Variants in KCNH1 observed in about 807,000 individuals in gnomAD.
The protein encoded by KCNH1 is potassium voltage-gated channel subfamily H member 1.
In KCNH1, 27 loss-of-function variants were observed where a neutral mutation model predicts 69.2. That is an observed-to-expected ratio of 0.39 (90% CI 0.29 to 0.54). The LOEUF is 0.54. Among genes scored for constraint, KCNH1 ranks in the 20% least tolerant of loss-of-function variants. The pLI is 0.68. For missense variants in KCNH1, 798 were observed against 1,261.6 expected (o/e 0.63, Z 5.57); for synonymous variants, 456 against 487.7 (o/e 0.93, Z 0.86).
At chr1:210,753,194 G>A (rs935452876) in intron 10 of KCNH1, among the ~76,000 whole-genome samples, 12 of 152,138 alleles carry the variant, frequency 7.9e-5, no homozygotes, top group South Asian at 2.1e-4. Context: ...CATAGGAAAC[G>A]AATAATTAGG....
intron 10 of KCNH1, among the ~76,000 whole-genome samples, chr1:210,707,282 T>C (rs1332030737): frequency 6.6e-6 from 1 of 152,068 alleles, no homozygotes; most frequent in Non-Finnish European, 1.5e-5. Context: ...AGCTCTGCAA[T>C]GAGGTCCCTG....
chr1:210,683,022 C>G lies in KCNH1; in HGVS notation c.*259G>C. The G allele has an allele frequency of 2.0e-6, 1 of 493,710 alleles. No homozygotes were observed. Among genetic ancestry groups the G allele is most frequent in the Non-Finnish European group, 3.6e-6 (1 of 276,606 alleles). The allele number at this position is 493,710 out of a possible 1,614,324, so 30.6% of individuals were successfully genotyped here. A position where few individuals can be genotyped will look rare whatever the true frequency, so the allele number is the denominator to read the frequency against. The stretch of plus-strand genomic sequence containing the variant: ...AAAATTAAAAATGAAGGAAAATACC[C>G]TTTAGACAGCATGTCCCTTCTTCCA... On this transcript the variant is annotated 3_prime_UTR_variant, in exon 11 of 11. Coordinates refer to ENST00000271751, the MANE Select transcript of KCNH1 (RefSeq NM_172362.3). The surrounding 1 kb of genome is among the most constrained non-coding windows in gnomAD (Gnocchi z 5.7).
intron 10 of KCNH1, among the ~76,000 whole-genome samples, chr1:210,718,794 G>A (rs1171327610): frequency 6.6e-6 from 1 of 151,446 alleles, no homozygotes. Flanking sequence ...GTCGGCACAT[G>A]TGGCCAGTGG....
At chr1:210,951,325 GTT>G in intron 6 of KCNH1, among the ~76,000 whole-genome samples, 1 of 152,296 alleles carries the variant, frequency 6.6e-6, no homozygotes, top group East Asian at 1.9e-4. Flanking sequence ...TACAGATAGG[GTT>G]TGTAAAGCAT....
rs149205142 is a variant in KCNH1 at position 210,947,416 on chromosome 1, A to G, written c.1033-27347T>C. On this transcript the variant is annotated intron_variant, in intron 6 of 10. Coordinates refer to ENST00000271751, the MANE Select transcript of KCNH1 (RefSeq NM_172362.3). ...AACCCTTTCTCTACTAAAAATACGA[A>G]AAAAAAAAATTAGCCAGGCATGGTG... is the stretch of plus-strand genomic sequence containing the variant. Among the ~76,000 whole-genome samples, 758 of 150,808 alleles carry G rather than the reference A, an allele frequency of 5.0e-3. 9 individuals are homozygous for G. Among genetic ancestry groups the G allele is most frequent in the African/African-American group, 0.018 (722 of 41,104 alleles).
chr1:210,977,776 T>C (rs1688641530), intron 6 of KCNH1, among the ~76,000 whole-genome samples: 1 of 152,174 alleles, frequency 6.6e-6, no homozygotes, highest in South Asian at 2.1e-4. Context: ...TTTATTAATA[T>C]TTTTAATGGA....
At chr1:211,056,214 A>G (rs1270523780) in intron 5 of KCNH1, among the ~76,000 whole-genome samples, 1 of 152,188 alleles carries the variant, frequency 6.6e-6, no homozygotes, top group East Asian at 1.9e-4. Flanking sequence ...AGTATTTACC[A>G]TAAGTTGACT....
At chr1:211,024,401 T>C (rs965425129) in intron 5 of KCNH1, among the ~76,000 whole-genome samples, 5 of 151,970 alleles carry the variant, frequency 3.3e-5, no homozygotes, top group African/African-American at 4.8e-5. Flanking sequence ...TAGGGTGAAA[T>C]AAGTTTGATA....
intron 10 of KCNH1, among the ~76,000 whole-genome samples, chr1:210,714,091 G>A (rs1682150907): frequency 6.6e-6 from 1 of 152,140 alleles, no homozygotes; most frequent in Non-Finnish European, 1.5e-5. Context: ...GAAGAGAAGA[G>A]GTCTTCTCCT....
intron 6 of KCNH1, among the ~76,000 whole-genome samples, chr1:210,963,849 C>A (rs771671708): frequency 3.3e-5 from 5 of 152,070 alleles, no homozygotes; most frequent in Non-Finnish European, 5.9e-5. Flanking sequence ...GAGAATGAAA[C>A]CAAGTTGGAA....
intron 10 of KCNH1, among the ~76,000 whole-genome samples, chr1:210,691,000 A>T (rs1681516139): frequency 6.6e-6 from 1 of 152,222 alleles, no homozygotes; most frequent in African/African-American, 2.4e-5. Flanking sequence ...AGTCAGGCGG[A>T]CTTGGATCGT....
chr1:210,992,802 T>G (rs1324131273), intron 6 of KCNH1, among the ~76,000 whole-genome samples: 1 of 152,220 alleles, frequency 6.6e-6, no homozygotes, highest in Non-Finnish European at 1.5e-5. Context: ...CATGTTTTAG[T>G]TTCTATTTTT....
chr1:210,773,935 CAG>C lies in KCNH1; in HGVS notation c.2112+1411_2112+1412del, dbSNP rs1164859103. Among the ~76,000 whole-genome samples the C allele has an allele frequency of 3.3e-5, 5 of 152,180 alleles. No homozygotes were observed. The East Asian group carries it at 5.8e-4, about 18-fold the overall frequency. On this transcript the variant is annotated intron_variant, in intron 10 of 10. Coordinates refer to ENST00000271751, the MANE Select transcript of KCNH1 (RefSeq NM_172362.3). ...ACATTTCAGCAGTTTTTAGGGCTAA[CAG>C]GGGTTTGTCACACACAGAAAAGAAT...
At chr1:210,793,571 C>A (rs1250457477) in intron 9 of KCNH1, among the ~76,000 whole-genome samples, 2 of 152,196 alleles carry the variant, frequency 1.3e-5, no homozygotes, top group South Asian at 4.1e-4. Context: ...GTTATGAGTA[C>A]TGACCCTTTT....
At chr1:210,892,180 T>C (rs1686764068) in intron 7 of KCNH1, among the ~76,000 whole-genome samples, 1 of 151,834 alleles carries the variant, frequency 6.6e-6, no homozygotes, top group Non-Finnish European at 1.5e-5. Flanking sequence ...ACCTGCACAT[T>C]CTGCACATGT....
chr1:211,060,600 A>T (rs1690418477), intron 5 of KCNH1, among the ~76,000 whole-genome samples: 1 of 151,820 alleles, frequency 6.6e-6, no homozygotes, highest in Admixed American at 6.6e-5. Context: ...AAAAAGAAAG[A>T]AGACTCAAAA....
At chr1:210,924,850 C>G (rs557151617) in intron 6 of KCNH1, among the ~76,000 whole-genome samples, 1 of 151,802 alleles carries the variant, frequency 6.6e-6, no homozygotes, top group South Asian at 2.1e-4. Flanking sequence ...CCACTAACAA[C>G]TGTAGTCTAG....
intron 3 of KCNH1, among the ~76,000 whole-genome samples, chr1:211,098,369 A>G (rs1437672905): frequency 6.6e-6 from 1 of 152,038 alleles, no homozygotes; most frequent in Non-Finnish European, 1.5e-5. Context: ...CATACTAAAC[A>G]TTAGGCAAGT....
chr1:211,083,540 A>C lies in KCNH1; in HGVS notation c.440-642T>G, dbSNP rs148279086. The stretch of plus-strand genomic sequence containing the variant: ...TCGAAGATGTCTGAGTGATCTTGAC[A>C]CCTTTTAAAGGCCCCCAAAGACAAC... On this transcript the variant is annotated intron_variant, in intron 4 of 10. Coordinates refer to ENST00000271751, the MANE Select transcript of KCNH1 (RefSeq NM_172362.3). Among the ~76,000 whole-genome samples, 1,215 of 152,268 alleles carry C rather than the reference A, an allele frequency of 8.0e-3. 9 individuals are homozygous for C. Among genetic ancestry groups the C allele is most frequent in the Non-Finnish European group, 0.013 (906 of 68,024 alleles).
Sources: gnomAD v4.1 joint callset for allele counts (sites outside exome capture counted in the v4.1 genomes callset) on GRCh38, gnomAD v4.1.1 for gene constraint, Gnocchi (gnomAD v3.1) non-coding constraint, MANE v1.5 for transcripts, NCBI Gene and HGNC (gene_info 2026-07-23, HGNC 2026-07-21) for gene names.